The following MTR variants were observed in gnomAD, a reference collection of about 807,000 sequenced individuals.
The protein encoded by MTR is methionine synthase.
In MTR, 84 loss-of-function variants were observed where a neutral mutation model predicts 154.8. The ratio of observed to expected loss-of-function variants is 0.54; its 90% CI spans 0.45 to 0.65. MTR has a LOEUF of 0.65. Among genes scored for constraint, MTR ranks in the 30% least tolerant of loss-of-function variants. MTR has a pLI of 0.00. For missense variants in MTR, 1,275 were observed against 1,570.2 expected, an observed-to-expected ratio of 0.81 and a Z score of 3.18; for synonymous variants, 554 against 553.9, an observed-to-expected ratio of 1.00 and a Z score of 0.00.
In MTR at chr1:236,808,699, G is replaced by C. The variant is rs1661127259; in HGVS notation, c.340-5G>C. ...ACAAGCTAACGTTTGTGGTTGATAC[G>C]TTAGGCCTACCGGATGAACATGTGC... On this transcript the variant is annotated splice_polypyrimidine_tract_variant and splice_region_variant and intron_variant, in intron 3 of 32. Coordinates refer to ENST00000366577, the MANE Select transcript of MTR (RefSeq NM_000254.3). 6.2e-7 allele frequency: 1 copy of C among 1,614,150 alleles called. No homozygotes were observed. Among genetic ancestry groups the C allele is most frequent in the Non-Finnish European group, 8.5e-7 (1 of 1,179,996 alleles).
chr1:236,879,670 T>C (rs1195802080), intron 24 of MTR, among the ~76,000 whole-genome samples: 6 of 152,222 alleles, frequency 3.9e-5, no homozygotes, highest in African/African-American at 1.4e-4. Flanking sequence ...CTTTAATTCA[T>C]TATGTTCTAT....
At chr1:236,838,349 C>A in intron 14 of MTR, 65 bp from the exon 15 acceptor site, 1 of 1,507,444 alleles carries the variant, frequency 6.6e-7, no homozygotes. Context: ...TACTTTGGAG[C>A]CTTTGAAAAG....
intron 6 of MTR, 132 bp from the exon 7 acceptor site, chr1:236,815,472 C>A: frequency 1.1e-6 from 1 of 878,746 alleles, no homozygotes; most frequent in Admixed American, 1.9e-5. Context: ...AAGGAAGACA[C>A]TTCTTCCCAG....
intron 14 of MTR, among the ~76,000 whole-genome samples, chr1:236,836,008 A>G (rs1005981071): frequency 2.0e-5 from 3 of 152,182 alleles, no homozygotes; most frequent in Admixed American, 6.6e-5. Context: ...CATTGGCTCT[A>G]TTTCTACCAT....
At chr1:236,866,878 T>G (rs2103331272) in intron 22 of MTR, among the ~76,000 whole-genome samples, 1 of 152,300 alleles carries the variant, frequency 6.6e-6, no homozygotes, top group South Asian at 2.1e-4. Flanking sequence ...CGTCTTCAAT[T>G]TTGTGAAGGC....
intron 5 of MTR, 36 bp downstream of exon 5, chr1:236,810,631 GA>G: frequency 6.5e-7 from 1 of 1,539,428 alleles, no homozygotes; most frequent in Non-Finnish European, 9.0e-7. Context: ...TGATCTTGGG[GA>G]AGTACTCCCC....
chr1:236,819,476 C>T (rs961502519), intron 8 of MTR, among the ~76,000 whole-genome samples: 19 of 152,134 alleles, frequency 1.2e-4, no homozygotes, highest in Non-Finnish European at 1.8e-4. Context: ...CGAAGATGTA[C>T]GGTGGGTTTT....
intron 24 of MTR, among the ~76,000 whole-genome samples, chr1:236,877,055 G>A (rs1427448445): frequency 6.6e-6 from 1 of 152,186 alleles, no homozygotes; most frequent in African/African-American, 2.4e-5. Flanking sequence ...ATAAGAGCTA[G>A]TAGGTAGCAC....
chr1:236,890,212 AC>A (rs1049726196), intron 28 of MTR, among the ~76,000 whole-genome samples: 1 of 152,110 alleles, frequency 6.6e-6, no homozygotes, highest in Admixed American at 6.5e-5. Context: ...GTAGTCAGGA[AC>A]GTGGTGATGA....
chr1:236,862,808 C>T (rs1664621630), intron 21 of MTR, among the ~76,000 whole-genome samples: 1 of 152,194 alleles, frequency 6.6e-6, no homozygotes, highest in Non-Finnish European at 1.5e-5. Flanking sequence ...GTTGGCTGCA[C>T]CACCAGAGTA....
intron 14 of MTR, 94 bp downstream of exon 14, chr1:236,835,781 A>G: frequency 1.3e-6 from 2 of 1,533,314 alleles, no homozygotes; most frequent in Non-Finnish European, 1.8e-6. Context: ...TGTGAACTCA[A>G]GAACTGGTTT....
chr1:236,864,338 T>A (rs1485800464), intron 22 of MTR, among the ~76,000 whole-genome samples: 2 of 152,206 alleles, frequency 1.3e-5, no homozygotes, highest in African/African-American at 4.8e-5. Context: ...TTCTCTTCTT[T>A]GCTGTCAAGT....
intron 25 of MTR, among the ~76,000 whole-genome samples, chr1:236,883,707 C>T (rs1393765853): frequency 6.6e-6 from 1 of 152,204 alleles, no homozygotes; most frequent in African/African-American, 2.4e-5. Flanking sequence ...TGGCCTGCCA[C>T]GATGGCCTTT....
Position 236,897,746 on chromosome 1 carries a change from G to T in MTR, c.*102G>T. On this transcript the variant is annotated 3_prime_UTR_variant, in exon 33 of 33. Transcript: ENST00000366577. ...ACAACAAAAAACCTGTGTGCATCTG[G>T]CTGACACTTACCTGCTTCTGGTTTT... 2 of 1,022,230 alleles carry T rather than the reference G, an allele frequency of 2.0e-6. No homozygotes were observed. Among genetic ancestry groups the T allele is most frequent in the South Asian group, 1.3e-5 (1 of 75,294 alleles). The allele number at this position is 1,022,230 out of a possible 1,614,324, so 63.3% of individuals were successfully genotyped here.
At chr1:236,894,723 G>A in intron 30 of MTR, 166 bp downstream of exon 30, 2 of 664,638 alleles carry the variant, frequency 3.0e-6, no homozygotes, top group South Asian at 3.9e-5. Context: ...TTAATATTAT[G>A]TATCCCCAGA....
intron 22 of MTR, among the ~76,000 whole-genome samples, chr1:236,870,219 C>A (rs1558325623): frequency 6.6e-6 from 1 of 152,132 alleles, no homozygotes; most frequent in East Asian, 1.9e-4. Context: ...GACTATTTCC[C>A]CAGCAAGACG....
At chr1:236,884,995 C>T in intron 25 of MTR, 126 bp from the exon 26 acceptor site, 2 of 717,860 alleles carry the variant, frequency 2.8e-6, no homozygotes, top group East Asian at 5.4e-5. Flanking sequence ...CAGGAATTAG[C>T]ACAGTTGGTG....
chr1:236,886,198 G>A lies in MTR; in HGVS notation c.2776-94G>A, dbSNP rs1665999874. The A allele has an allele frequency of 7.0e-6, 7 of 1,006,714 alleles. No homozygotes were observed. In the East Asian group the frequency reaches 1.7e-4, roughly 25 times the overall value. 62.4% of individuals were successfully genotyped at this position (1,006,714 alleles called of 1,614,324 possible). Reference sequence around the variant, plus strand: ...CATGAATAAGAGCATTTGCTTTCTTGCAAAGCTTACATACTGGCCTTCTTG... The same window carrying A: ...CATGAATAAGAGCATTTGCTTTCTTACAAAGCTTACATACTGGCCTTCTTG... On this transcript the variant is annotated intron_variant, in intron 26 of 32. Coordinates refer to ENST00000366577, the MANE Select transcript of MTR (RefSeq NM_000254.3).
At chr1:236,877,392 C>A (rs1267243296) in intron 24 of MTR, among the ~76,000 whole-genome samples, 1 of 152,210 alleles carries the variant, frequency 6.6e-6, no homozygotes, top group Non-Finnish European at 1.5e-5. Flanking sequence ...ACCCTAGGAA[C>A]CTCAGCAGGT....
Sources: gnomAD v4.1 joint callset for allele counts (sites outside exome capture counted in the v4.1 genomes callset) on GRCh38, gnomAD v4.1.1 for gene constraint, MANE v1.5 for transcripts, NCBI Gene and HGNC (gene_info 2026-07-23, HGNC 2026-07-21) for gene names.